Variants in KLRG2 observed in about 807,000 individuals in gnomAD.
The protein encoded by KLRG2 is killer cell lectin-like receptor subfamily G member 2.
KLRG2 carries 39 observed loss-of-function variants against 35.4 expected under a neutral mutation model. That is an observed-to-expected ratio of 1.10 (90% CI 0.85 to 1.44). The LOEUF (loss-of-function observed/expected upper bound fraction) is 1.44. Among genes scored for constraint, KLRG2 ranks in the 40% most tolerant of loss-of-function variants. KLRG2 has a pLI of 0.00. For missense variants in KLRG2, 632 were observed against 570.9 expected, an observed-to-expected ratio of 1.11 and a Z score of -1.09; for synonymous variants, 283 against 265.8, an observed-to-expected ratio of 1.06 and a Z score of -0.63.
At chr7:139,450,998 G>C (rs1314374733), downstream of KLRG2, among the ~76,000 whole-genome samples, 1 of 152,160 alleles carries the variant, frequency 6.6e-6, no homozygotes, top group African/African-American at 2.4e-5. Context: ...CAGCCATATG[G>C]AGAGCCGCAG....
chr7:139,483,385 G>A lies in KLRG2; in HGVS notation c.258C>T (p.Gly86=), dbSNP rs955596218. 9 of 1,540,106 alleles carry A rather than the reference G, an allele frequency of 5.8e-6. No homozygotes were observed. Among genetic ancestry groups the A allele is most frequent in the Non-Finnish European group, 7.8e-6 (9 of 1,155,352 alleles). ...ACGGCGGCTCGGGGCAGACCCCGTA[G>A]CCCAGGCTGAGCGGCGGCACGCGCG... ...GSPRVPPLSL[G]YGVCPEPPSP... The change falls in exon 1 of 5, where the codon GGC becomes GGT. Residue 86 remains glycine, a synonymous_variant. Coordinates refer to ENST00000340940, the MANE Select transcript of KLRG2 (RefSeq NM_198508.4).
At chr7:139,461,743 A>G (rs1221792003) in intron 3 of KLRG2, among the ~76,000 whole-genome samples, 1 of 150,614 alleles carries the variant, frequency 6.6e-6, no homozygotes, top group African/African-American at 2.5e-5. Context: ...AAGCTGCCCC[A>G]CCCTTATCTC....
At chr7:139,454,891 A>C (rs1219411961) in intron 3 of KLRG2, among the ~76,000 whole-genome samples, 2 of 151,054 alleles carry the variant, frequency 1.3e-5, no homozygotes, top group African/African-American at 2.4e-5. Flanking sequence ...CAGGAACAAC[A>C]AAAACCAAAG....
At chr7:139,462,093 A>G (rs548663327) in intron 3 of KLRG2, among the ~76,000 whole-genome samples, 3 of 152,060 alleles carry the variant, frequency 2.0e-5, no homozygotes, top group Non-Finnish European at 4.4e-5. Flanking sequence ...CCTTCTCTTA[A>G]TTTCAGTGCC....
At chr7:139,445,797 G>GTGTGTA in the KLRG2 span, among the ~76,000 whole-genome samples, 2 of 99,054 alleles carry the variant, frequency 2.0e-5, no homozygotes, top group Admixed American at 9.2e-5. Flanking sequence ...ATATATGTGT[G>GTGTGTA]TATATATATA....
At chr7:139,472,818 C>T (rs1204760834) in intron 3 of KLRG2, among the ~76,000 whole-genome samples, 2 of 152,118 alleles carry the variant, frequency 1.3e-5, no homozygotes, top group African/African-American at 4.8e-5. Flanking sequence ...GAAAAAGGAC[C>T]GGTTGAAAGT....
At chr7:139,445,731 C>T in the KLRG2 span, among the ~76,000 whole-genome samples, 1 of 130,176 alleles carries the variant, frequency 7.7e-6, no homozygotes, top group Non-Finnish European at 1.6e-5. Flanking sequence ...TCTGGCAAGG[C>T]CTATAGAGTC....
the KLRG2 span, among the ~76,000 whole-genome samples, chr7:139,428,014 T>C: frequency 6.6e-6 from 1 of 152,158 alleles, no homozygotes; most frequent in Non-Finnish European, 1.5e-5. Context: ...GAAAGGCTCT[T>C]TCTGGCATAA....
chr7:139,428,793 T>G, the KLRG2 span, among the ~76,000 whole-genome samples: 1 of 152,152 alleles, frequency 6.6e-6, no homozygotes, highest in Non-Finnish European at 1.5e-5. Flanking sequence ...GGAATTGCCA[T>G]TACATAGAAG....
downstream of KLRG2, among the ~76,000 whole-genome samples, chr7:139,449,979 G>A (rs867466925): frequency 2.0e-5 from 3 of 152,000 alleles, no homozygotes; most frequent in South Asian, 2.1e-4. Flanking sequence ...GGGATTACAG[G>A]CGTGAGCCAC....
rs576963949 is a variant in KLRG2 at position 139,465,399 on chromosome 7, GGAGGCTAGAGTCACCGGGC to G, written c.1006-11204_1006-11186del. 1.4e-4 allele frequency among the ~76,000 whole-genome samples: 22 copies of G among 152,268 alleles called. 1 individual carries two copies. The South Asian group carries it at 4.4e-3, about 30-fold the overall frequency. On this transcript the variant is annotated intron_variant, in intron 3 of 4. Transcript: ENST00000340940. ...TTCTCAAAGCCGCTTTACTTCCAAA[GGAGGCTAGAGTCACCGGGC>G]GCGGTGGCTCACGCCTGTAATTCCA...
At chr7:139,464,798 T>A (rs1282149546) in intron 3 of KLRG2, among the ~76,000 whole-genome samples, 1 of 152,246 alleles carries the variant, frequency 6.6e-6, no homozygotes, top group Non-Finnish European at 1.5e-5. Context: ...CTTTAATATT[T>A]TCAGAGGCCC....
intron 3 of KLRG2, among the ~76,000 whole-genome samples, chr7:139,467,698 C>CG (rs1192262099): frequency 8.6e-5 from 13 of 150,980 alleles, no homozygotes; most frequent in East Asian, 1.9e-4. Flanking sequence ...ACAAACACTG[C>CG]GGAAGGCCGC....
At chr7:139,459,071 A>C (rs1796525427) in intron 3 of KLRG2, among the ~76,000 whole-genome samples, 1 of 152,240 alleles carries the variant, frequency 6.6e-6, no homozygotes. Flanking sequence ...TTTGCAGGGA[A>C]GGGGTTTACC....
intron 3 of KLRG2, among the ~76,000 whole-genome samples, chr7:139,477,913 C>G (rs1393757851): frequency 4.6e-5 from 7 of 151,990 alleles, no homozygotes; most frequent in African/African-American, 1.2e-4. Flanking sequence ...CGCCCGCCAC[C>G]GCGCCCGGCT....
intron 3 of KLRG2, among the ~76,000 whole-genome samples, chr7:139,457,070 C>CT (rs1405156228): frequency 6.6e-6 from 1 of 152,238 alleles, no homozygotes; most frequent in Non-Finnish European, 1.5e-5. Context: ...TCAGGGGCAA[C>CT]TTCCCAGGCT....
intron 3 of KLRG2, among the ~76,000 whole-genome samples, chr7:139,467,961 T>C (rs1796694195): frequency 6.6e-6 from 1 of 152,176 alleles, no homozygotes; most frequent in Admixed American, 6.5e-5. Flanking sequence ...GTATGTTCCA[T>C]CTACTGAGAT....
chr7:139,462,595 A>G (rs1424355870), intron 3 of KLRG2, among the ~76,000 whole-genome samples: 2 of 152,112 alleles, frequency 1.3e-5, no homozygotes, highest in Non-Finnish European at 2.9e-5. Context: ...CCTAAAACCT[A>G]AATGCCTTAT....
chr7:139,446,644 T>A, the KLRG2 span, among the ~76,000 whole-genome samples: 23 of 152,248 alleles, frequency 1.5e-4, no homozygotes, highest in Middle Eastern at 3.4e-3. Flanking sequence ...CCCAGCCTCT[T>A]TTTCAGCTTC....
Sources: gnomAD v4.1 joint callset for allele counts (sites outside exome capture counted in the v4.1 genomes callset) on GRCh38, gnomAD v4.1.1 for gene constraint, MANE v1.5 for transcripts, NCBI Gene and HGNC (gene_info 2026-07-23, HGNC 2026-07-21) for gene names.